EVPL: variants seen among roughly 807,000 people sequenced by gnomAD.
EVPL encodes 210 kDa cornified envelope precursor protein.
EVPL carries 94 observed loss-of-function variants against 129.7 expected under a neutral mutation model. That is an observed-to-expected ratio of 0.72 (90% CI 0.61 to 0.86). EVPL has a LOEUF of 0.86. EVPL is among the 40% of genes least tolerant of loss of function. The pLI is 0.00. For missense variants in EVPL, 2,625 were observed against 2,721.1 expected, an observed-to-expected ratio of 0.96 and a Z score of 0.79; for synonymous variants, 1,172 against 1,191.1, an observed-to-expected ratio of 0.98 and a Z score of 0.33.
At chr17:76,011,061 C>CA (rs952090843) in intron 21 of EVPL, among the ~76,000 whole-genome samples, 10 of 151,392 alleles carry the variant, frequency 6.6e-5, no homozygotes, top group African/African-American at 1.5e-4. Flanking sequence ...GACTCCGTCT[C>CA]AAAAAAAACA....
chr17:76,007,201 T>C lies in EVPL; in HGVS notation c.6004A>G (p.Lys2002Glu). The change falls in exon 22 of 22, where the codon AAA becomes GAA. Residue 2002 changes from lysine to glutamate, a missense_variant. Around this residue, in one of 4 missense-constraint regions of EVPL, gnomAD observed 1,453 missense variants for 1,511.8 expected, o/e 0.96. Transcript: ENST00000301607. The surrounding 1 kb of genome is among the most constrained non-coding windows in gnomAD (Gnocchi z 8.8). The stretch of plus-strand genomic sequence containing the variant: ...AGCAGCAGGCCGCTCAGGGGGTCTT[T>C]GCGGCAGCGGCCCATGGCCTCCTTG... ...SYKEAMGRCR[K>E]DPLSGLLLLP... 1 of 1,542,476 alleles carries C rather than the reference T, an allele frequency of 6.5e-7. No homozygotes were observed. Among genetic ancestry groups the C allele is most frequent in the Non-Finnish European group, 8.8e-7 (1 of 1,142,246 alleles).
chr17:76,023,816 G>A (rs1351441692), intron 2 of EVPL, among the ~76,000 whole-genome samples, 162 bp from the exon 3 acceptor site: 1 of 152,256 alleles, frequency 6.6e-6, no homozygotes, highest in African/African-American at 2.4e-5. Context: ...CGTGGGGCAG[G>A]TGACAAGGAC....
chr17:76,018,659 G>A, intron 11 of EVPL, 59 bp from the exon 12 acceptor site: 1 of 1,527,388 alleles, frequency 6.5e-7, no homozygotes, highest in Non-Finnish European at 8.8e-7. Context: ...CCAAGGCCAG[G>A]GCAGAGTAGG....
rs768963003 is a variant in EVPL, at chr17:76,007,091, C to T, written c.*12G>A. ...CAACACACGCACTTCCCCACTGGCTCCTTGGCCCGTGTCAGCGAAGGGAGC... is the reference window on the plus strand; with the variant it reads ...CAACACACGCACTTCCCCACTGGCTTCTTGGCCCGTGTCAGCGAAGGGAGC... On this transcript the variant is annotated 3_prime_UTR_variant, in exon 22 of 22. Coordinates refer to ENST00000301607, the MANE Select transcript of EVPL (RefSeq NM_001988.4). The surrounding 1 kb of genome is among the most constrained non-coding windows in gnomAD (Gnocchi z 8.8). 1 of 1,452,504 alleles carries T rather than the reference C, an allele frequency of 6.9e-7. No individual in the cohort carries two copies. The highest frequency in any genetic ancestry group is 2.3e-5 in the East Asian group (1 of 43,008). 90.0% of individuals were successfully genotyped at this position (1,452,504 alleles called of 1,614,324 possible).
chr17:76,023,339 C>CG lies in EVPL; in HGVS notation c.432dup (p.Asp145ArgfsTer100), dbSNP rs769587157. On this transcript the variant is annotated frameshift_variant, in exon 4 of 22. Transcript: ENST00000301607. LOFTEE classifies it high-confidence loss of function. ...GCCCAGTCGACCCTGGGTCCCACGT[C>CG]GGGGGGCAGCACCATCTTCTCGTAC... 5.6e-6 allele frequency: 9 copies of CG among 1,613,888 alleles called. No individual in the cohort carries two copies. The highest frequency in any genetic ancestry group is 2.2e-5 in the East Asian group (1 of 44,866).
In EVPL at chr17:76,013,881, C is replaced by G. The variant is rs577275988; in HGVS notation, c.2373+545G>C. ...AGAGAGTGCAGCCTGGGTCCTGTGC[C>G]GGAAGGGCCTGTGTGGTCTGCCCAT... On this transcript the variant is annotated intron_variant, in intron 18 of 21. Coordinates refer to ENST00000301607, the MANE Select transcript of EVPL (RefSeq NM_001988.4). This position sits in a 1 kb window ranked among gnomAD's most constrained non-coding sequence, Gnocchi z 4.3. Among the ~76,000 whole-genome samples the G allele has an allele frequency of 6.6e-6, 1 of 152,282 alleles. No homozygotes were observed. The highest frequency in any genetic ancestry group is 1.9e-4 in the East Asian group (1 of 5,168).
At chr17:76,021,358 C>T in intron 9 of EVPL, 110 bp downstream of exon 9, 1 of 1,055,092 alleles carries the variant, frequency 9.5e-7, no homozygotes, top group Non-Finnish European at 1.4e-6. Context: ...GCCCTGCCAG[C>T]TCTGTCTAGT....
rs762081798 is a variant in EVPL, at chr17:76,023,528, G to A, written c.325C>T (p.His109Tyr). The change falls in exon 3 of 22, where the codon CAC becomes TAC. Residue 109 changes from histidine to tyrosine, a missense_variant. Transcript: ENST00000301607. ...TTCTCAATCTCCTCAGCCTGCGGGT[G>A]CTTGAGCCGCCGGGCCTTGTCCACG... ...LDVDKARRLK[H>Y]PQAEEIEKDI... The A allele has an allele frequency of 3.7e-6, 6 of 1,613,038 alleles. No individual in the cohort carries two copies. The African/African-American group carries it at 6.7e-5, about 18-fold the overall frequency.
Position 76,023,652 on chromosome 17 carries a change from G to A in EVPL, c.201C>T (p.Asp67=). 6.4e-7 allele frequency: 1 copy of A among 1,564,230 alleles called. No homozygotes were observed. Among genetic ancestry groups the A allele is most frequent in the South Asian group, 1.2e-5 (1 of 86,642 alleles). The change falls in exon 3 of 22, where the codon GAC becomes GAT. Residue 67 remains aspartate, a splice_region_variant and synonymous_variant. Coordinates refer to ENST00000301607, the MANE Select transcript of EVPL (RefSeq NM_001988.4). The part of the protein sequence containing the change: ...ILETQKRLQQ[D]RLNSEQSQAL... ...CCTGGCTCTGCTCACTGTTCAGCCG[G>A]TCCTGTGGGCAGGAGATGGGCAGAC...
At chr17:76,019,114 C>G in intron 10 of EVPL, 54 bp from the exon 11 acceptor site, 1 of 1,479,030 alleles carries the variant, frequency 6.8e-7, no homozygotes, top group Non-Finnish European at 8.9e-7. Context: ...TGGAGGCTGG[C>G]CACACCATAC....
In EVPL at chr17:76,021,724, C is replaced by A. The variant is rs1341941677; in HGVS notation, c.865G>T (p.Asp289Tyr). Residue 289 changes from aspartate (D) to tyrosine (Y), a missense_variant, in exon 8 of 22, where the codon GAC becomes TAC. Asp to Tyr is a radical substitution (Grantham distance 160, BLOSUM62 -3). This residue lies in a region of EVPL where 1,024 missense variants were observed against 997.5 expected (regional missense o/e 1.03). Coordinates refer to ENST00000301607, the MANE Select transcript of EVPL (RefSeq NM_001988.4). ...CGCAGCTCCACCATGCGCTCGCCGT[C>A]GTCCTCCAGCTGGTTCACGCTCTGC... ...QEQSVNQLEDDGERMVELRHP... is the reference protein window; with the variant it reads ...QEQSVNQLEDYGERMVELRHP... 3 of 1,610,610 alleles carry A rather than the reference C, an allele frequency of 1.9e-6. No homozygotes were observed. The highest frequency in any genetic ancestry group is 2.5e-6 in the Non-Finnish European group (3 of 1,179,552).
intron 2 of EVPL, 83 bp downstream of exon 2, chr17:76,023,938 A>G: frequency 6.7e-7 from 1 of 1,503,564 alleles, no homozygotes; most frequent in Non-Finnish European, 9.1e-7. Flanking sequence ...ACCAAGGGGC[A>G]CTCAGGGAGT....
At position 76,009,007 on chromosome 17, in the gene EVPL, C is replaced by T; in HGVS notation, c.4198G>A (p.Gly1400Ser). ...TCAAGCTCTAGCTGGCGCCGCCGGC[C>T]CACCTCCTCATCCAGGCTCCCGCTC... ...RLSGSLDEEV[G>S]RRRQLELEVQ... Residue 1400 changes from glycine (G) to serine (S), a missense_variant, in exon 22 of 22, where the codon GGC becomes AGC. Gly to Ser is a moderately conservative substitution (Grantham distance 56). Coordinates refer to ENST00000301607, the MANE Select transcript of EVPL (RefSeq NM_001988.4). This position sits in a 1 kb window ranked among gnomAD's most constrained non-coding sequence, Gnocchi z 5.9. 6.2e-7 allele frequency: 1 copy of T among 1,612,764 alleles called. No homozygotes were observed. The highest frequency in any genetic ancestry group is 8.5e-7 in the Non-Finnish European group (1 of 1,179,884).
chr17:76,010,310 G>A lies in EVPL; in HGVS notation c.2895C>T (p.Asp965=). 1 of 1,613,886 alleles carries A rather than the reference G, an allele frequency of 6.2e-7. No individual in the cohort carries two copies. Among genetic ancestry groups the A allele is most frequent in the Non-Finnish European group, 8.5e-7 (1 of 1,180,016 alleles). ...TGGACAGGCTGCCCTCCAGCTGGGG[G>A]TCCCGGTAGAACTCTACCACTTCCT... is the stretch of plus-strand genomic sequence containing the variant. ...EEKEVVEFYR[D]PQLEGSLSRV... Residue 965 remains aspartate (D), a synonymous_variant, in exon 22 of 22, where the codon GAC becomes GAT. Coordinates refer to ENST00000301607, the MANE Select transcript of EVPL (RefSeq NM_001988.4).
chr17:76,008,516 G>A lies in EVPL; in HGVS notation c.4689C>T (p.Arg1563=). 1 of 1,605,544 alleles carries A rather than the reference G, an allele frequency of 6.2e-7. No individual in the cohort carries two copies. The highest frequency in any genetic ancestry group is 8.5e-7 in the Non-Finnish European group (1 of 1,179,164). ...REEEARRLRE[R]IDRAETLGRT... is the part of the protein sequence containing the mutation. The stretch of plus-strand genomic sequence containing the variant: ...TCCCCAGCGTCTCGGCCCGGTCAAT[G>A]CGCTCCCGCAGGCGCCGTGCCTCCT... Residue 1563 remains arginine (R), a synonymous_variant, in exon 22 of 22, where the codon CGC becomes CGT. Coordinates refer to ENST00000301607, the MANE Select transcript of EVPL (RefSeq NM_001988.4). This position sits in a 1 kb window ranked among gnomAD's most constrained non-coding sequence, Gnocchi z 7.4.
At position 76,018,559 on chromosome 17, in the gene EVPL, G is replaced by A; in HGVS notation, c.1326C>T (p.Asn442=). The A allele has an allele frequency of 6.2e-7, 1 of 1,612,162 alleles. No homozygotes were observed. Among genetic ancestry groups the A allele is most frequent in the Non-Finnish European group, 8.5e-7 (1 of 1,179,660 alleles). Residue 442 remains asparagine, a synonymous_variant, in exon 12 of 22, where the codon AAC becomes AAT. Coordinates refer to ENST00000301607, the MANE Select transcript of EVPL (RefSeq NM_001988.4). The part of the protein sequence containing the change: ...LQGERYKLVD[N]TDPHAWVVQG... ...GCACGACCCAGGCGTGCGGGTCAGT[G>A]TTATCTACCAGCTTATACCGCTCAC...
Position 76,019,047 on chromosome 17 carries a change from C to A in EVPL, c.1151G>T (p.Arg384Leu). The change falls in exon 11 of 22, where the codon CGG becomes CTG. Residue 384 changes from arginine (R) to leucine (L), a missense_variant. By Grantham distance (102) the Arg-to-Leu change is moderately radical. Coordinates refer to ENST00000301607, the MANE Select transcript of EVPL (RefSeq NM_001988.4). ...AGTGGCCCTCTCGGTGACGGCCAGC[C>A]GTTTTTCCTCTGCCTGCCGGGGGCC... ...LLQQLEAEEK[R>L]LAVTERATGD... 6.4e-7 allele frequency: 1 copy of A among 1,573,016 alleles called. No homozygotes were observed. Among genetic ancestry groups the A allele is most frequent in the East Asian group, 2.3e-5 (1 of 42,586 alleles).
chr17:76,012,310 C>CT (rs11371360), intron 18 of EVPL: 47,353 of 377,072 alleles, frequency 0.13, 4,169 homozygotes, highest in African/African-American at 0.42. Flanking sequence ...CCTTTCTTTC[C>CT]TTTTTTTTTT....
rs368511028 is a variant in EVPL at position 76,018,408 on chromosome 17, C to T, written c.1439+38G>A. 5 of 1,588,694 alleles carry T rather than the reference C, an allele frequency of 3.1e-6. No individual in the cohort carries two copies. In the African/African-American group the frequency reaches 4.0e-5, roughly 13 times the overall value. On this transcript the variant is annotated intron_variant, in intron 12 of 21. Transcript: ENST00000301607. The stretch of plus-strand genomic sequence containing the variant: ...GACACCGCAGGGCCGGCCTGCTCTG[C>T]CCACAGCCTGCCCCTGAGTATCCCT...
Sources: gnomAD v4.1 joint callset for allele counts (sites outside exome capture counted in the v4.1 genomes callset) on GRCh38, gnomAD v4.1.1 for gene constraint, gnomAD v4.1.1 regional missense constraint, Gnocchi (gnomAD v3.1) non-coding constraint, MANE v1.5 for transcripts, NCBI Gene and HGNC (gene_info 2026-07-23, HGNC 2026-07-21) for gene names.